RBMS1: variants seen among roughly 807,000 people sequenced by gnomAD.
RBMS1 encodes the protein RNA-binding motif, single-stranded-interacting protein 1.
RBMS1 carries 17 observed loss-of-function variants against 62.3 expected under a neutral mutation model. The ratio of observed to expected loss-of-function variants is 0.27; its 90% CI spans 0.19 to 0.41. The LOEUF (loss-of-function observed/expected upper bound fraction) is 0.41, where lower values mean the gene tolerates loss of function less well. RBMS1 is among the 10% of genes least tolerant of loss of function. The pLI is 1.00. For synonymous variants in RBMS1, 172 were observed against 170.0 expected, an observed-to-expected ratio of 1.01 and a Z score of -0.09; for missense variants, 334 against 504.5, an observed-to-expected ratio of 0.66 and a Z score of 3.24.
At chr2:160,461,463 A>G (rs1574088698) in intron 1 of RBMS1, among the ~76,000 whole-genome samples, 1 of 152,028 alleles carries the variant, frequency 6.6e-6, no homozygotes, top group African/African-American at 2.4e-5. Flanking sequence ...AAGTGGAGGG[A>G]CAGGAATGAC....
chr2:160,288,418 C>G (rs1688516666), intron 6 of RBMS1, among the ~76,000 whole-genome samples: 1 of 152,174 alleles, frequency 6.6e-6, no homozygotes, highest in Non-Finnish European at 1.5e-5. Flanking sequence ...CAACACTTCT[C>G]TGCCAAAAAA....
At chr2:160,416,848 C>T (rs1395529179) in intron 1 of RBMS1, among the ~76,000 whole-genome samples, 1 of 152,160 alleles carries the variant, frequency 6.6e-6, no homozygotes, top group Non-Finnish European at 1.5e-5. Context: ...TTAGCCATAT[C>T]TACTAGAAAA....
intron 1 of RBMS1, among the ~76,000 whole-genome samples, chr2:160,485,378 C>A (rs889611528): frequency 6.6e-6 from 1 of 152,134 alleles, no homozygotes; most frequent in African/African-American, 2.4e-5. Context: ...AAGACGAGTT[C>A]CTGGAAATCT....
At chr2:160,311,209 A>ATCTCTCTCTCTCTCTCTCTCT (rs1553505366) in intron 4 of RBMS1, among the ~76,000 whole-genome samples, 1 of 57,726 alleles carries the variant, frequency 1.7e-5, no homozygotes. Context: ...AAAAAAAAAA[A>ATCTCTCTCTCTCTCTCTCTCT]ATCTATCTAT....
At chr2:160,373,468 C>T (rs1693838328) in intron 1 of RBMS1, among the ~76,000 whole-genome samples, 1 of 152,138 alleles carries the variant, frequency 6.6e-6, no homozygotes, top group African/African-American at 2.4e-5. Context: ...TGGTTCTGTG[C>T]TCCTGAATGC....
At chr2:160,435,815 C>G (rs1038986653) in intron 1 of RBMS1, among the ~76,000 whole-genome samples, 1 of 152,146 alleles carries the variant, frequency 6.6e-6, no homozygotes, top group Non-Finnish European at 1.5e-5. Context: ...TCCTAGCACT[C>G]AAGAATGCAT....
At chr2:160,375,964 G>A (rs956138468) in intron 1 of RBMS1, among the ~76,000 whole-genome samples, 1 of 151,212 alleles carries the variant, frequency 6.6e-6, no homozygotes, top group Non-Finnish European at 1.5e-5. Flanking sequence ...TGACAGTTCA[G>A]AATACCTCTG....
At chr2:160,275,355 G>C (rs1687778128) in intron 13 of RBMS1, 1 of 300,724 alleles carries the variant, frequency 3.3e-6, no homozygotes, top group Non-Finnish European at 5.4e-6. Flanking sequence ...TTTGGTTCTT[G>C]GTGTTCTCTG....
intron 1 of RBMS1, chr2:160,408,516 C>T (rs570720858): frequency 6.6e-6 from 1 of 152,346 alleles, no homozygotes; most frequent in African/African-American, 2.4e-5. Context: ...TACCAGCTTT[C>T]CTTCAAGATG....
intron 4 of RBMS1, among the ~76,000 whole-genome samples, chr2:160,309,203 T>C (rs1206443313): frequency 6.6e-6 from 1 of 152,172 alleles, no homozygotes; most frequent in Non-Finnish European, 1.5e-5. Flanking sequence ...GAGTGAGCAT[T>C]TATGGGGAGA....
chr2:160,471,716 T>TATATATATA (rs371634389), intron 1 of RBMS1, among the ~76,000 whole-genome samples: 1 of 76,232 alleles, frequency 1.3e-5, no homozygotes, highest in Admixed American at 1.9e-4. Flanking sequence ...TATATATATA[T>TATATATATA]AACCTTTCAT....
intron 2 of RBMS1, among the ~76,000 whole-genome samples, chr2:160,352,952 T>C (rs535341749): frequency 6.6e-6 from 1 of 152,204 alleles, no homozygotes; most frequent in East Asian, 1.9e-4. Flanking sequence ...GGCAAAAAAA[T>C]TATTTCCAGT....
At chr2:160,407,432 A>ACCTCGGCGCGGCAT in intron 1 of RBMS1, 1 of 985,936 alleles carries the variant, frequency 1.0e-6, no homozygotes, top group Non-Finnish European at 1.2e-6. Flanking sequence ...GGGCTCGCCG[A>ACCTCGGCGCGGCAT]CCTCGGCGCG....
At chr2:160,471,716 T>TATATATAA (rs371634389) in intron 1 of RBMS1, among the ~76,000 whole-genome samples, 17,597 of 76,356 alleles carry the variant, frequency 0.23, 3,272 homozygotes, top group East Asian at 0.48. Flanking sequence ...TATATATATA[T>TATATATAA]AACCTTTCAT....
chr2:160,448,995 G>C (rs1683815525), intron 1 of RBMS1, among the ~76,000 whole-genome samples: 1 of 152,044 alleles, frequency 6.6e-6, no homozygotes, highest in Non-Finnish European at 1.5e-5. Context: ...CACCCTGTCT[G>C]GGAGGTGAGG....
intron 1 of RBMS1, among the ~76,000 whole-genome samples, chr2:160,450,010 G>A (rs1386278641): frequency 6.6e-6 from 1 of 151,892 alleles, no homozygotes; most frequent in African/African-American, 2.4e-5. Flanking sequence ...CCCACCTCAA[G>A]CCCACCCTCC....
At chr2:160,302,318 C>T (rs1227520541) in intron 5 of RBMS1, among the ~76,000 whole-genome samples, 4 of 151,858 alleles carry the variant, frequency 2.6e-5, no homozygotes, top group Non-Finnish European at 5.9e-5. Flanking sequence ...CCTCAGCTTC[C>T]CCTGCAGCTG....
At chr2:160,282,949 C>A (rs1316720684) in intron 9 of RBMS1, 1 of 152,138 alleles carries the variant, frequency 6.6e-6, no homozygotes, top group Non-Finnish European at 1.5e-5. Flanking sequence ...AATGAAATTC[C>A]ATATGTATCT....
intron 1 of RBMS1, among the ~76,000 whole-genome samples, chr2:160,440,213 A>G (rs1461546937): frequency 6.6e-6 from 1 of 151,876 alleles, no homozygotes; most frequent in Non-Finnish European, 1.5e-5. Context: ...GGTTCTCAAT[A>G]CTTTCTTATA....
Sources: gnomAD v4.1 joint callset for allele counts (sites outside exome capture counted in the v4.1 genomes callset) on GRCh38, gnomAD v4.1.1 for gene constraint, MANE v1.5 for transcripts, NCBI Gene and HGNC (gene_info 2026-07-23, HGNC 2026-07-21) for gene names.